MCOLN2: variants seen among roughly 807,000 people sequenced by gnomAD.
MCOLN2 encodes the protein mucolipin-2.
Under a neutral mutation model 67.5 loss-of-function variants are expected in MCOLN2, and 57 were observed. The ratio of observed to expected loss-of-function variants is 0.84; its 90% CI spans 0.68 to 1.05. The LOEUF is 1.05. Among genes scored for constraint, MCOLN2 ranks in the 50% least tolerant of loss-of-function variants. MCOLN2 has a pLI of 0.00. For synonymous variants in MCOLN2, 246 were observed against 233.3 expected (o/e 1.05, Z -0.50); for missense variants, 620 against 678.8 (o/e 0.91, Z 0.96).
chr1:84,974,807 G>A (rs1649916942), intron 1 of MCOLN2, among the ~76,000 whole-genome samples: 1 of 152,124 alleles, frequency 6.6e-6, no homozygotes, highest in Non-Finnish European at 1.5e-5. Context: ...GGAGCCCACT[G>A]CCCTGAAGGA....
intron 1 of MCOLN2, among the ~76,000 whole-genome samples, chr1:84,991,557 A>C (rs1650891794): frequency 6.6e-6 from 1 of 152,214 alleles, no homozygotes; most frequent in African/African-American, 2.4e-5. Context: ...CACAGCTCTC[A>C]GAACATAAAT....
chr1:84,994,086 A>G (rs147419759), intron 1 of MCOLN2, among the ~76,000 whole-genome samples: 2,072 of 152,324 alleles, frequency 0.014, 50 homozygotes, highest in African/African-American at 0.048. Flanking sequence ...TAATATTTTG[A>G]AAGAAATCTT....
At chr1:84,975,443 C>A (rs1235017636) in intron 1 of MCOLN2, among the ~76,000 whole-genome samples, 2 of 152,296 alleles carry the variant, frequency 1.3e-5, no homozygotes, top group African/African-American at 2.4e-5. Flanking sequence ...GGTGGTAACT[C>A]CATGAGTCTA....
rs149911510 is a variant in MCOLN2 at position 84,928,509 on chromosome 1, T to C, written c.1664+1049A>G. Among the ~76,000 whole-genome samples, 78 of 152,350 alleles carry C rather than the reference T, an allele frequency of 5.1e-4. 1 individual carries two copies. Among genetic ancestry groups the C allele is most frequent in the African/African-American group, 1.9e-3 (77 of 41,586 alleles). Reference sequence around the variant, plus strand: ...GTCCAAACACCAAAGACCTATCGTTTACTTTTTAGAATTCATGACTACATT... The same window carrying C: ...GTCCAAACACCAAAGACCTATCGTTCACTTTTTAGAATTCATGACTACATT... On this transcript the variant is annotated intron_variant, in intron 13 of 13. Coordinates refer to ENST00000370608, the MANE Select transcript of MCOLN2 (RefSeq NM_153259.4).
intron 1 of MCOLN2, among the ~76,000 whole-genome samples, chr1:84,988,378 G>C (rs935865607): frequency 6.6e-6 from 1 of 152,014 alleles, no homozygotes; most frequent in Non-Finnish European, 1.5e-5. Context: ...AAATATTTCA[G>C]CGCTTGCCTC....
chr1:84,946,944 G>A lies in MCOLN2; in HGVS notation c.847+89C>T, dbSNP rs975982369. On this transcript the variant is annotated intron_variant, in intron 7 of 13. Coordinates refer to ENST00000370608, the MANE Select transcript of MCOLN2 (RefSeq NM_153259.4). Reference sequence around the variant, plus strand: ...GAGGCGGTTTTCTTCCTATTATCATGCAAACAAACCATTTAAATACCCCAA... The same window carrying A: ...GAGGCGGTTTTCTTCCTATTATCATACAAACAAACCATTTAAATACCCCAA... 6.0e-6 allele frequency: 4 copies of A among 669,766 alleles called. No individual in the cohort carries two copies. The Admixed American group carries it at 6.9e-5, about 12-fold the overall frequency. The allele number at this position is 669,766 out of a possible 1,614,324, so 41.5% of individuals were successfully genotyped here.
At chr1:84,996,462 G>C (rs991700712) in intron 1 of MCOLN2, among the ~76,000 whole-genome samples, 31 of 144,948 alleles carry the variant, frequency 2.1e-4, no homozygotes, top group Non-Finnish European at 2.7e-4. Context: ...GGGAGCCAAG[G>C]TCTGTTTGTA....
At position 84,970,445 on chromosome 1, in the gene MCOLN2, G is replaced by A. The variant is rs148414480; in HGVS notation, c.78-4737C>T. On this transcript the variant is annotated intron_variant, in intron 1 of 13. Coordinates refer to ENST00000370608, the MANE Select transcript of MCOLN2 (RefSeq NM_153259.4). ...AGTACTTTGGGAGGGTGAGGTGGGT[G>A]GATCACTTGAGGCCAGGAGTTTGAG... Among the ~76,000 whole-genome samples the A allele has an allele frequency of 8.7e-3, 1,313 of 151,744 alleles. 23 individuals carry two copies. The highest frequency in any genetic ancestry group is 0.03 in the African/African-American group (1,259 of 41,338).
intron 7 of MCOLN2, among the ~76,000 whole-genome samples, chr1:84,945,415 T>A (rs965596764): frequency 2.0e-5 from 3 of 152,218 alleles, no homozygotes; most frequent in African/African-American, 7.2e-5. Flanking sequence ...TAGTAACCAC[T>A]TTTTAACAGA....
Position 84,926,636 on chromosome 1 carries a change from T to C in MCOLN2, c.*49A>G, listed in dbSNP as rs1661171390. 3 of 1,459,548 alleles carry C rather than the reference T, an allele frequency of 2.1e-6. No homozygotes were observed. Among genetic ancestry groups the C allele is most frequent in the Non-Finnish European group, 1.9e-6 (2 of 1,070,986 alleles). 90.4% of individuals were successfully genotyped at this position (1,459,548 alleles called of 1,614,324 possible). A position where few individuals can be genotyped will look rare whatever the true frequency, so the allele number is the denominator to read the frequency against. On this transcript the variant is annotated 3_prime_UTR_variant, in exon 14 of 14. Transcript: ENST00000370608. Reference sequence around the variant, plus strand: ...TCCAAGTCATTTGGGGTTCCTCTGCTCAGCCGCTGGATAAGGATGCCTGAA... The same window carrying C: ...TCCAAGTCATTTGGGGTTCCTCTGCCCAGCCGCTGGATAAGGATGCCTGAA...
At chr1:84,967,588 T>C (rs1307968746) in intron 1 of MCOLN2, among the ~76,000 whole-genome samples, 1 of 152,194 alleles carries the variant, frequency 6.6e-6, no homozygotes, top group African/African-American at 2.4e-5. Flanking sequence ...TTACTATTTC[T>C]AAATAGATTT....
chr1:84,985,793 T>C (rs1218994958), intron 1 of MCOLN2, among the ~76,000 whole-genome samples: 2 of 152,092 alleles, frequency 1.3e-5, no homozygotes, highest in African/African-American at 4.8e-5. Flanking sequence ...AAATCATAGA[T>C]GACACAAACA....
Position 84,926,548 on chromosome 1 carries a change from G to T in MCOLN2, c.*137C>A. On this transcript the variant is annotated 3_prime_UTR_variant, in exon 14 of 14. Coordinates refer to ENST00000370608, the MANE Select transcript of MCOLN2 (RefSeq NM_153259.4). ...CTGGAACTTCAGTCATGGTCAGCTGGCTAACTGTGAGTCCTCTTTCCCACT... is the reference window on the plus strand; with the variant it reads ...CTGGAACTTCAGTCATGGTCAGCTGTCTAACTGTGAGTCCTCTTTCCCACT... 1 of 510,858 alleles carries T rather than the reference G, an allele frequency of 2.0e-6. No homozygotes were observed. The allele number at this position is 510,858 out of a possible 1,614,324, so 31.6% of individuals were successfully genotyped here. A position where few individuals can be genotyped will look rare whatever the true frequency, so the allele number is the denominator to read the frequency against.
chr1:84,986,411 C>G (rs749258121), intron 1 of MCOLN2, among the ~76,000 whole-genome samples: 1 of 151,884 alleles, frequency 6.6e-6, no homozygotes, highest in Non-Finnish European at 1.5e-5. Context: ...ATGGTGGTGG[C>G]GCATGCCTAT....
At chr1:84,981,537 T>C (rs921529057) in intron 1 of MCOLN2, among the ~76,000 whole-genome samples, 3 of 152,180 alleles carry the variant, frequency 2.0e-5, no homozygotes, top group Non-Finnish European at 4.4e-5. Flanking sequence ...TTATGTTAAG[T>C]AAAATAAGCC....
chr1:84,970,623 C>T (rs1649629152), intron 1 of MCOLN2, among the ~76,000 whole-genome samples: 1 of 152,116 alleles, frequency 6.6e-6, no homozygotes, highest in African/African-American at 2.4e-5. Context: ...GCAGAGGTTG[C>T]AGTGAGCCAA....
In MCOLN2 at chr1:84,948,223, C is replaced by T. The variant is rs542786033; in HGVS notation, c.748-1091G>A. Among the ~76,000 whole-genome samples the T allele has an allele frequency of 2.2e-4, 34 of 152,386 alleles. No homozygotes were observed. In the South Asian group the frequency reaches 3.7e-3, roughly 17 times the overall value. ...CAGCCTGCTGCTTATCATGTATGCA[C>T]ATGTCCAGCCCGACAACAAGTCTGG... On this transcript the variant is annotated intron_variant, in intron 6 of 13. Transcript: ENST00000370608.
chr1:84,988,692 G>A (rs1479554109), intron 1 of MCOLN2, among the ~76,000 whole-genome samples: 8 of 152,136 alleles, frequency 5.3e-5, no homozygotes, highest in Non-Finnish European at 1.2e-4. Context: ...GGCCAGAGGG[G>A]TAATTTTAAA....
intron 1 of MCOLN2, among the ~76,000 whole-genome samples, chr1:84,994,414 A>C (rs1249929566): frequency 2.6e-5 from 4 of 152,240 alleles, no homozygotes; most frequent in African/African-American, 9.6e-5. Context: ...TTTTGTCTAC[A>C]TTGAAAATCT....
Sources: allele counts gnomAD v4.1 joint callset (sites outside exome capture counted in the v4.1 genomes callset), GRCh38; gene constraint gnomAD v4.1.1; transcripts MANE v1.5; gene names NCBI Gene and HGNC (gene_info 2026-07-23, HGNC 2026-07-21).